The following CTTNBP2NL variants were observed in gnomAD, a reference collection of about 807,000 sequenced individuals.
CTTNBP2NL encodes CTTNBP2 N-terminal-like protein.
A neutral mutation model predicts 32.5 loss-of-function variants in CTTNBP2NL; 16 were observed. That is an observed-to-expected ratio of 0.49 (90% CI 0.33 to 0.75). The LOEUF is 0.75. Ranked by LOEUF, CTTNBP2NL falls within the 30% of genes least tolerant of loss-of-function variation. The probability of loss-of-function intolerance (pLI) is 0.02; values close to 1 mark genes in which losing one functional copy is unlikely to be tolerated. For missense variants in CTTNBP2NL, 645 were observed against 756.0 expected (o/e 0.85, Z 1.72); for synonymous variants, 298 against 289.4 (o/e 1.03, Z -0.30).
At chr1:112,443,332 G>A (rs4839246) in intron 3 of CTTNBP2NL, among the ~76,000 whole-genome samples, 73,712 of 152,010 alleles carry the variant, frequency 0.48, 21,574 homozygotes, top group South Asian at 0.7. Flanking sequence ...TCGTGCCTCA[G>A]CCTCCTGAGT....
At chr1:112,399,088 G>A (rs964917114) in intron 1 of CTTNBP2NL, among the ~76,000 whole-genome samples, 2 of 151,902 alleles carry the variant, frequency 1.3e-5, no homozygotes, top group African/African-American at 4.8e-5. Context: ...GGGAAGCTGA[G>A]GCGGGTGGAT....
intron 3 of CTTNBP2NL, among the ~76,000 whole-genome samples, chr1:112,420,846 C>T (rs1329966472): frequency 1.3e-5 from 2 of 152,166 alleles, no homozygotes; most frequent in African/African-American, 4.8e-5. Flanking sequence ...TTACTAGGCA[C>T]TCTTCAAAAC....
chr1:112,415,477 T>A (rs747411710), intron 2 of CTTNBP2NL, among the ~76,000 whole-genome samples: 20 of 152,172 alleles, frequency 1.3e-4, no homozygotes, highest in Non-Finnish European at 2.4e-4. Context: ...TTTGATGGTC[T>A]ATCAATTTTT....
At chr1:112,395,824 G>C (rs897195441), upstream of CTTNBP2NL, among the ~76,000 whole-genome samples, 6 of 152,146 alleles carry the variant, frequency 3.9e-5, no homozygotes, top group African/African-American at 1.4e-4. Flanking sequence ...TTAACATTCT[G>C]GATAAAATCC....
intron 5 of CTTNBP2NL, 88 bp downstream of exon 5, chr1:112,454,644 C>T (rs1381652280): frequency 2.1e-6 from 2 of 959,128 alleles, no homozygotes; most frequent in African/African-American, 3.2e-5. Flanking sequence ...TGGTATTGTT[C>T]AGAAAAGGGG....
chr1:112,414,411 T>A (rs953376168), intron 2 of CTTNBP2NL, among the ~76,000 whole-genome samples: 1 of 152,196 alleles, frequency 6.6e-6, no homozygotes, highest in Non-Finnish European at 1.5e-5. Context: ...CGAAGATGTT[T>A]TACTATGCTT....
chr1:112,459,287 G>A lies in CTTNBP2NL; in HGVS notation c.*1875G>A, dbSNP rs1650474203. On this transcript the variant is annotated 3_prime_UTR_variant, in exon 6 of 6. Coordinates refer to ENST00000271277, the MANE Select transcript of CTTNBP2NL (RefSeq NM_018704.3). Reference sequence around the variant, plus strand: ...GCTGGCAAGGTTCATAGAATATAATGGCTATCCCCCTCTGCCAAATAAGAC... The same window carrying A: ...GCTGGCAAGGTTCATAGAATATAATAGCTATCCCCCTCTGCCAAATAAGAC... 1.3e-5 allele frequency: 2 copies of A among 152,062 alleles called. No individual in the cohort carries two copies. Among genetic ancestry groups the A allele is most frequent in the Admixed American group, 6.5e-5 (1 of 15,268 alleles). The allele number at this position is 152,062 out of a possible 1,614,324, so 9.4% of individuals were successfully genotyped here. A position where few individuals can be genotyped will look rare whatever the true frequency, so the allele number is the denominator to read the frequency against.
chr1:112,456,633 T>A lies in CTTNBP2NL; in HGVS notation c.1141T>A (p.Leu381Met). 1.1e-5 allele frequency: 18 copies of A among 1,614,098 alleles called. 1 individual carries two copies. The highest frequency in any genetic ancestry group is 1.4e-5 in the Non-Finnish European group (16 of 1,180,022). Residue 381 changes from leucine (L) to methionine (M), a missense_variant, in exon 6 of 6, where the codon TTG (leucine) becomes ATG (methionine). Leu to Met is a conservative substitution (Grantham distance 15, BLOSUM62 2). Transcript: ENST00000271277. ...QVPPREKSVA[L>M]AQEKPVENGG... ...GCCTCCACGGGAAAAATCTGTGGCA[T>A]TGGCCCAAGAGAAACCAGTGGAGAA...
rs115600613 is a variant in CTTNBP2NL, at chr1:112,455,126, G to A, written c.438+570G>A. 8.2e-3 allele frequency among the ~76,000 whole-genome samples: 1,256 copies of A among 152,284 alleles called. 21 individuals are homozygous for A. Among genetic ancestry groups the A allele is most frequent in the African/African-American group, 0.029 (1,208 of 41,536 alleles). ...GATCTCAGAGTTTGAAAAACACTGA[G>A]TTTCTTCAACCCTTTCCCTCTCACG... On this transcript the variant is annotated intron_variant, in intron 5 of 5. Transcript: ENST00000271277.
At chr1:112,417,419 C>G (rs570479117) in intron 3 of CTTNBP2NL, among the ~76,000 whole-genome samples, 5 of 152,210 alleles carry the variant, frequency 3.3e-5, no homozygotes, top group Admixed American at 1.3e-4. Context: ...ATACTGCCTT[C>G]TGGTTTTAAT....
At chr1:112,413,823 G>A (rs777279253) in intron 2 of CTTNBP2NL, among the ~76,000 whole-genome samples, 9 of 152,126 alleles carry the variant, frequency 5.9e-5, no homozygotes, top group Admixed American at 1.3e-4. Context: ...CAAGGCGGGC[G>A]GATCACCTGA....
rs1248187692 is a variant in CTTNBP2NL, at chr1:112,458,749, A to C, written c.*1337A>C. The C allele has an allele frequency of 2.0e-5, 3 of 152,146 alleles. No homozygotes were observed. Among genetic ancestry groups the C allele is most frequent in the Non-Finnish European group, 4.4e-5 (3 of 68,052 alleles). 9.4% of individuals were successfully genotyped at this position (152,146 alleles called of 1,614,324 possible). A position where few individuals can be genotyped will look rare whatever the true frequency, so the allele number is the denominator to read the frequency against. ...CACTTTGGGAGGCTGAGATGGGAGG[A>C]TCTCTTGAGACCAGGTGTTCAAGAC... On this transcript the variant is annotated 3_prime_UTR_variant, in exon 6 of 6. Coordinates refer to ENST00000271277, the MANE Select transcript of CTTNBP2NL (RefSeq NM_018704.3).
intron 3 of CTTNBP2NL, among the ~76,000 whole-genome samples, chr1:112,424,840 C>A (rs1004982089): frequency 6.6e-6 from 1 of 151,920 alleles, no homozygotes; most frequent in African/African-American, 2.4e-5. Flanking sequence ...TTTTTTGAGA[C>A]AGGGTCTGAC....
intron 3 of CTTNBP2NL, among the ~76,000 whole-genome samples, chr1:112,436,238 A>C (rs1252108016): frequency 2.0e-5 from 3 of 152,122 alleles, no homozygotes; most frequent in Admixed American, 1.3e-4. Flanking sequence ...TTTTCTGTGA[A>C]TATCTGTCAT....
intron 3 of CTTNBP2NL, among the ~76,000 whole-genome samples, chr1:112,431,113 C>T (rs1199610484): frequency 1.3e-5 from 2 of 152,080 alleles, no homozygotes; most frequent in African/African-American, 2.4e-5. Context: ...TAAAACAGTA[C>T]CTATTTAGAG....
chr1:112,403,440 A>C (rs1648564971), intron 1 of CTTNBP2NL, among the ~76,000 whole-genome samples: 2 of 152,222 alleles, frequency 1.3e-5, no homozygotes, highest in African/African-American at 4.8e-5. Flanking sequence ...AGTGTGATCA[A>C]GTTGAATAGA....
Position 112,456,996 on chromosome 1 carries a change from C to T in CTTNBP2NL, c.1504C>T (p.Arg502Ter), listed in dbSNP as rs764902595. ...CAACTCTGCCGCCAAGCAGCTGGCC[C>T]GAAACACAGTCACTCAGGTGCTCTC... Reference protein sequence around the residue: ...IDNSAAKQLARNTVTQVLSRF... With the variant: ...IDNSAAKQLA The change falls in exon 6 of 6, where the codon CGA becomes TGA. Residue 502 changes from arginine (R) to a stop codon, truncating the protein, a stop_gained. Transcript: ENST00000271277. LOFTEE classifies it high-confidence loss of function. The T allele has an allele frequency of 3.1e-6, 5 of 1,614,070 alleles. No homozygotes were observed. Among genetic ancestry groups the T allele is most frequent in the East Asian group, 2.2e-5 (1 of 44,870 alleles).
intron 4 of CTTNBP2NL, among the ~76,000 whole-genome samples, chr1:112,449,679 A>G (rs1475673559): frequency 6.6e-6 from 1 of 152,032 alleles, no homozygotes; most frequent in African/African-American, 2.4e-5. Flanking sequence ...AACCATAAAC[A>G]GTCCCTTGGT....
At chr1:112,391,349 A>G (rs2100982956), upstream of CTTNBP2NL, among the ~76,000 whole-genome samples, 1 of 152,318 alleles carries the variant, frequency 6.6e-6, no homozygotes, top group Non-Finnish European at 1.5e-5. Flanking sequence ...ATTTCTTTTC[A>G]TCACTTTTCC....
Sources: gnomAD v4.1 joint callset for allele counts (sites outside exome capture counted in the v4.1 genomes callset) on GRCh38, gnomAD v4.1.1 for gene constraint, MANE v1.5 for transcripts, NCBI Gene and HGNC (gene_info 2026-07-23, HGNC 2026-07-21) for gene names.